The following DIPK1A variants were observed in gnomAD, a reference collection of about 807,000 sequenced individuals.
DIPK1A encodes the protein divergent protein kinase domain 1A.
In DIPK1A, 27 loss-of-function variants were observed where a neutral mutation model predicts 40.8. That is an observed-to-expected ratio of 0.66 (90% confidence interval 0.49 to 0.91). The LOEUF is 0.91. Among genes scored for constraint, DIPK1A ranks in the 40% least tolerant of loss-of-function variants. DIPK1A has a pLI of 0.00. For missense variants in DIPK1A, 412 were observed against 505.7 expected (o/e 0.81, Z 1.78); for synonymous variants, 166 against 171.3 (o/e 0.97, Z 0.24).
intron 1 of DIPK1A, among the ~76,000 whole-genome samples, chr1:92,950,570 A>G (rs896935969): frequency 1.3e-5 from 2 of 152,230 alleles, no homozygotes; most frequent in African/African-American, 2.4e-5. Context: ...CAGTAACAGC[A>G]GAAGAATGAA....
At chr1:92,937,689 G>A (rs1650997621) in intron 1 of DIPK1A, among the ~76,000 whole-genome samples, 1 of 152,030 alleles carries the variant, frequency 6.6e-6, no homozygotes, top group African/African-American at 2.4e-5. Flanking sequence ...ATCTTTAACT[G>A]TAATTATACC....
At chr1:92,949,629 TAC>T (rs1466300303) in intron 1 of DIPK1A, among the ~76,000 whole-genome samples, 1 of 152,146 alleles carries the variant, frequency 6.6e-6, no homozygotes, top group Non-Finnish European at 1.5e-5. Flanking sequence ...CCAGGATGTG[TAC>T]AGTTTTCTTT....
At chr1:92,882,759 T>C (rs1648435293) in intron 1 of DIPK1A, among the ~76,000 whole-genome samples, 2 of 152,186 alleles carry the variant, frequency 1.3e-5, no homozygotes, top group South Asian at 2.1e-4. Flanking sequence ...CTCTTCAACT[T>C]CTGTAAGGAA....
intron 1 of DIPK1A, among the ~76,000 whole-genome samples, chr1:92,919,445 A>G (rs957521737): frequency 2.6e-5 from 4 of 152,092 alleles, no homozygotes; most frequent in Non-Finnish European, 5.9e-5. Context: ...GCCTTTGCAT[A>G]TTCTCTTTCT....
intron 2 of DIPK1A, among the ~76,000 whole-genome samples, chr1:92,867,301 G>A (rs957695598): frequency 2.1e-5 from 3 of 146,274 alleles, no homozygotes; most frequent in South Asian, 2.2e-4. Context: ...TGATCCGCCC[G>A]CCTCGGCCTC....
chr1:92,840,793 G>A, downstream of DIPK1A: 1 of 742,518 alleles, frequency 1.3e-6, no homozygotes, highest in South Asian at 1.4e-5. Context: ...TAACTGTGGT[G>A]ATGGAAATGT....
chr1:92,836,269 T>C lies in DIPK1A; in HGVS notation c.475-3235A>G, dbSNP rs771599532. ...GGTGATGAATACAATGTGGAAAGCA[T>C]TGATGGTCAGCCAGGTGCCTTCACC... On this transcript the variant is annotated intron_variant, in intron 4 of 4. Coordinates refer to the DIPK1A transcript ENST00000615519. 3.7e-6 allele frequency: 6 copies of C among 1,613,976 alleles called. No homozygotes were observed. The highest frequency in any genetic ancestry group is 3.3e-5 in the South Asian group (3 of 91,082).
rs77947701 is a variant in DIPK1A at position 92,844,830 on chromosome 1, A to G, written c.475-635T>C. Among the ~76,000 whole-genome samples, 23 of 152,342 alleles carry G rather than the reference A, an allele frequency of 1.5e-4. No homozygotes were observed. In the East Asian group the frequency reaches 4.4e-3, roughly 29 times the overall value. ...AAAAGTATTTCCGTTAGTCTGAAAT[A>G]CATGTAAAATGGCCAAATAAAAAAT... On this transcript the variant is annotated intron_variant, in intron 4 of 4. Coordinates refer to ENST00000370310, the MANE Select transcript of DIPK1A (RefSeq NM_001006605.5).
Position 92,876,216 on chromosome 1 carries a change from A to G in DIPK1A, c.189+80T>C, listed in dbSNP as rs151032582. 5.7e-6 allele frequency: 5 copies of G among 872,738 alleles called. No individual in the cohort carries two copies. In the Admixed American group the frequency reaches 2.0e-4, roughly 35 times the overall value. The allele number at this position is 872,738 out of a possible 1,614,324, so 54.1% of individuals were successfully genotyped here. ...GTCAAATTAACTTTTATTTTTAAAA[A>G]CATCATTAGTAAGTATGTAAGCAGT... On this transcript the variant is annotated intron_variant, in intron 2 of 4. Coordinates refer to ENST00000370310, the MANE Select transcript of DIPK1A (RefSeq NM_001006605.5).
intron 1 of DIPK1A, among the ~76,000 whole-genome samples, chr1:92,880,410 A>G (rs1199387966): frequency 3.3e-5 from 5 of 152,236 alleles, no homozygotes; most frequent in African/African-American, 9.6e-5. Context: ...CAAAATGCCA[A>G]TTCTACTCTA....
chr1:92,851,402 G>C (rs942293585), intron 2 of DIPK1A, among the ~76,000 whole-genome samples: 3 of 151,746 alleles, frequency 2.0e-5, no homozygotes, highest in African/African-American at 7.3e-5. Context: ...AATGAGCCAG[G>C]CGTGGTGGCG....
intron 1 of DIPK1A, among the ~76,000 whole-genome samples, chr1:92,910,716 T>A (rs1279934560): frequency 6.6e-6 from 1 of 152,210 alleles, no homozygotes; most frequent in Non-Finnish European, 1.5e-5. Flanking sequence ...GGTGCAATGA[T>A]ATGCAGCTGT....
intron 2 of DIPK1A, among the ~76,000 whole-genome samples, chr1:92,866,578 T>G (rs527476180): frequency 8.5e-5 from 13 of 152,334 alleles, no homozygotes; most frequent in African/African-American, 3.1e-4. Flanking sequence ...GCCAACTAGG[T>G]TGGCTAGGCC....
intron 2 of DIPK1A, 28 bp downstream of exon 2, chr1:92,876,268 T>C (rs1030940333): frequency 2.8e-5 from 40 of 1,417,910 alleles, no homozygotes; most frequent in South Asian, 1.9e-4. Context: ...AGAGGCTTTT[T>C]AGTAAACAGG....
At chr1:92,838,070 T>G (rs540422176), downstream of DIPK1A, among the ~76,000 whole-genome samples, 1 of 152,316 alleles carries the variant, frequency 6.6e-6, no homozygotes, top group South Asian at 2.1e-4. Context: ...GAGCCATGTT[T>G]GCAAGAATGA....
At chr1:92,871,051 A>G (rs1439221284) in intron 2 of DIPK1A, among the ~76,000 whole-genome samples, 1 of 152,200 alleles carries the variant, frequency 6.6e-6, no homozygotes, top group East Asian at 1.9e-4. Flanking sequence ...TCTGCTTTCC[A>G]GGGAATTCAA....
chr1:92,916,752 G>C (rs1178638213), intron 1 of DIPK1A, among the ~76,000 whole-genome samples: 2 of 152,186 alleles, frequency 1.3e-5, no homozygotes, highest in Non-Finnish European at 2.9e-5. Context: ...CTCTAAGAAA[G>C]TAGAGGTTTC....
In DIPK1A at chr1:92,908,031, G is replaced by C. The variant is rs76073845; in HGVS notation, c.55-31601C>G. Reference sequence around the variant, plus strand: ...ATCAAGTAGGAGCCCCAAGTTTCTGGCTTGAGTAACTAGATGGATTCTAGT... The same window carrying C: ...ATCAAGTAGGAGCCCCAAGTTTCTGCCTTGAGTAACTAGATGGATTCTAGT... On this transcript the variant is annotated intron_variant, in intron 1 of 4. Transcript: ENST00000370310. Among the ~76,000 whole-genome samples the C allele has an allele frequency of 3.1e-3, 473 of 152,214 alleles. 4 individuals carry two copies. In the East Asian group the frequency reaches 0.036, roughly 12 times the overall value.
rs529482930 is a variant in DIPK1A, at chr1:92,845,697, G to A, written c.474+1486C>T. 5.8e-4 allele frequency among the ~76,000 whole-genome samples: 88 copies of A among 151,978 alleles called. 2 individuals carry two copies. Among genetic ancestry groups the A allele is most frequent in the East Asian group, 9.7e-4 (5 of 5,150 alleles). On this transcript the variant is annotated intron_variant, in intron 4 of 4. Transcript: ENST00000370310. Reference sequence around the variant, plus strand: ...TCTACTAAAAATACAAAAATTAGGTGTGGTGGCGGGTGCCTGTAATCCCAG... The same window carrying A: ...TCTACTAAAAATACAAAAATTAGGTATGGTGGCGGGTGCCTGTAATCCCAG...
Sources: allele counts gnomAD v4.1 joint callset (sites outside exome capture counted in the v4.1 genomes callset), GRCh38; gene constraint gnomAD v4.1.1; transcripts MANE v1.5; gene names NCBI Gene and HGNC (gene_info 2026-07-23, HGNC 2026-07-21).